ZNF385D: variants seen among roughly 807,000 people sequenced by gnomAD.
ZNF385D encodes zinc finger protein 385D.
ZNF385D carries 15 observed loss-of-function variants against 35.8 expected under a neutral mutation model. That is an observed-to-expected ratio of 0.42 (90% confidence interval 0.28 to 0.64). The LOEUF (loss-of-function observed/expected upper bound fraction) is 0.64. ZNF385D is among the 30% of genes least tolerant of loss of function. The probability of loss-of-function intolerance (pLI) is 0.23; values close to 1 mark genes in which losing one functional copy is unlikely to be tolerated. For missense variants in ZNF385D, 474 were observed against 494.6 expected (o/e 0.96, Z 0.39); for synonymous variants, 212 against 186.8 (o/e 1.13, Z -1.10).
At chr3:22,183,816 T>C (rs1205616739) in intron 2 of ZNF385D, among the ~76,000 whole-genome samples, 1 of 152,098 alleles carries the variant, frequency 6.6e-6, no homozygotes, top group East Asian at 1.9e-4. Context: ...AGTTATTTTT[T>C]CACCTTTTCT....
chr3:21,628,330 G>C (rs2125829010), intron 2 of ZNF385D, among the ~76,000 whole-genome samples: 1 of 152,168 alleles, frequency 6.6e-6, no homozygotes, highest in Admixed American at 6.6e-5. Flanking sequence ...AACTGAGGAA[G>C]GTTGTGTGGT....
intron 2 of ZNF385D, among the ~76,000 whole-genome samples, chr3:21,648,763 A>C (rs1243210902): frequency 6.6e-6 from 1 of 152,170 alleles, no homozygotes; most frequent in African/African-American, 2.4e-5. Flanking sequence ...CATCATTGCC[A>C]CCCTCACAGC....
At chr3:21,596,542 G>T (rs1045988739) in intron 2 of ZNF385D, among the ~76,000 whole-genome samples, 1 of 151,644 alleles carries the variant, frequency 6.6e-6, no homozygotes, top group Non-Finnish European at 1.5e-5. Context: ...TTTAGAGACC[G>T]TCTCTTGCTC....
At chr3:22,261,115 CCA>C in intron 2 of ZNF385D, among the ~76,000 whole-genome samples, 2 of 151,340 alleles carry the variant, frequency 1.3e-5, no homozygotes, top group Non-Finnish European at 3.0e-5. Context: ...ATCCATCCAT[CCA>C]TCCATCCATC....
At chr3:21,595,913 T>C (rs2064115944) in intron 2 of ZNF385D, among the ~76,000 whole-genome samples, 1 of 152,220 alleles carries the variant, frequency 6.6e-6, no homozygotes, top group Non-Finnish European at 1.5e-5. Flanking sequence ...CAGGCTCCAA[T>C]CCTTCATTTC....
At chr3:21,866,894 T>C (rs541383437) in intron 3 of ZNF385D, among the ~76,000 whole-genome samples, 57 of 152,254 alleles carry the variant, frequency 3.7e-4, no homozygotes, top group African/African-American at 1.3e-3. Flanking sequence ...AAAAATTTCT[T>C]ATCAGTGCCT....
chr3:21,887,193 G>A (rs562677260), intron 3 of ZNF385D, among the ~76,000 whole-genome samples: 3 of 152,130 alleles, frequency 2.0e-5, no homozygotes, highest in Non-Finnish European at 4.4e-5. Context: ...TTTGTGAAGT[G>A]ACTATTTCAT....
At chr3:21,625,214 A>T (rs1216704924) in intron 2 of ZNF385D, among the ~76,000 whole-genome samples, 1 of 152,096 alleles carries the variant, frequency 6.6e-6, no homozygotes, top group African/African-American at 2.4e-5. Context: ...TTCCAATTTT[A>T]AGGTCAGAGA....
At chr3:21,751,566 A>G, upstream of ZNF385D, 1 of 408,254 alleles carries the variant, frequency 2.4e-6, no homozygotes, top group Non-Finnish European at 3.3e-6. Context: ...AAACGGCAGT[A>G]CGAAGAGGGA....
chr3:22,088,772 C>T (rs897034089), intron 3 of ZNF385D, among the ~76,000 whole-genome samples: 7 of 151,990 alleles, frequency 4.6e-5, no homozygotes, highest in Non-Finnish European at 1.0e-4. Flanking sequence ...AAGAAGAAAA[C>T]CAGACAACAC....
At chr3:21,694,042 C>CTTTTTTTTTTTTTTTTTTTTTTTTTCTT (rs35586361) in intron 1 of ZNF385D, among the ~76,000 whole-genome samples, 1 of 22,178 alleles carries the variant, frequency 4.5e-5, no homozygotes. Context: ...CTACGCCTGG[C>CTTTTTTTTTTTTTTTTTTTTTTTTTCTT]TTTTTTTTTT....
At chr3:21,792,045 A>G (rs2071952214) in intron 3 of ZNF385D, among the ~76,000 whole-genome samples, 1 of 152,092 alleles carries the variant, frequency 6.6e-6, no homozygotes, top group African/African-American at 2.4e-5. Context: ...AATCATTTTT[A>G]TATTCTATTT....
chr3:21,972,861 T>A (rs1008585729), intron 3 of ZNF385D, among the ~76,000 whole-genome samples: 11 of 151,972 alleles, frequency 7.2e-5, no homozygotes, highest in Non-Finnish European at 1.5e-4. Flanking sequence ...CTACTAAGAT[T>A]GAACCGTGAA....
chr3:21,457,493 C>A (rs1702897111), intron 4 of ZNF385D, among the ~76,000 whole-genome samples: 1 of 151,892 alleles, frequency 6.6e-6, no homozygotes, highest in Middle Eastern at 3.2e-3. Flanking sequence ...GTAGCTGGGA[C>A]TACAGGGGCA....
At position 22,113,617 on chromosome 3, in the gene ZNF385D, C is replaced by G. The variant is rs186790735; in HGVS notation, c.325+55200G>C. ...GTGCTGACTGAGACAATGAGCAGCA[C>G]AGCAACCGGGAAACCACAGGACTGG... On this transcript the variant is annotated intron_variant, in intron 3 of 5. Transcript: ENST00000494108. Among the ~76,000 whole-genome samples, 13 of 152,194 alleles carry G rather than the reference C, an allele frequency of 8.5e-5. No homozygotes were observed. The East Asian group carries it at 2.3e-3, about 27-fold the overall frequency.
chr3:22,130,328 C>G (rs969836113), intron 3 of ZNF385D, among the ~76,000 whole-genome samples: 3 of 152,138 alleles, frequency 2.0e-5, no homozygotes, highest in Admixed American at 6.6e-5. Context: ...ATGTACCCAA[C>G]GTCCAATGGC....
intron 3 of ZNF385D, among the ~76,000 whole-genome samples, chr3:21,779,522 A>T (rs1349843852): frequency 6.6e-6 from 1 of 152,026 alleles, no homozygotes; most frequent in African/African-American, 2.4e-5. Flanking sequence ...TCAAATATCT[A>T]TCATAATTAG....
intron 3 of ZNF385D, among the ~76,000 whole-genome samples, chr3:21,518,218 C>T (rs955454898): frequency 2.0e-5 from 3 of 151,968 alleles, no homozygotes; most frequent in African/African-American, 4.8e-5. Context: ...TAAAAATTAT[C>T]GATTTTTTTT....
chr3:21,815,463 A>G (rs2125717562), intron 3 of ZNF385D, among the ~76,000 whole-genome samples: 1 of 152,320 alleles, frequency 6.6e-6, no homozygotes, highest in East Asian at 1.9e-4. Context: ...GAAAAGAGAG[A>G]AGAATCAGAC....
Sources: gnomAD v4.1 joint callset for allele counts (sites outside exome capture counted in the v4.1 genomes callset) on GRCh38, gnomAD v4.1.1 for gene constraint, MANE v1.5 for transcripts, NCBI Gene and HGNC (gene_info 2026-07-23, HGNC 2026-07-21) for gene names.